SNTG1: variants seen among roughly 807,000 people sequenced by gnomAD.
SNTG1 encodes syntrophin gamma 1.
Under a neutral mutation model 74.7 loss-of-function variants are expected in SNTG1, and 39 were observed. The ratio of observed to expected loss-of-function variants is 0.52; its 90% CI spans 0.40 to 0.68. The LOEUF is 0.68. Ranked by LOEUF, SNTG1 falls within the 30% of genes least tolerant of loss-of-function variation. The pLI is 0.00. For missense variants in SNTG1, 685 were observed against 609.5 expected (o/e 1.12, Z -1.30); for synonymous variants, 254 against 217.1 (o/e 1.17, Z -1.49).
intron 1 of SNTG1, among the ~76,000 whole-genome samples, chr8:49,944,266 G>A (rs1414146714): frequency 6.6e-6 from 1 of 152,022 alleles, no homozygotes; most frequent in African/African-American, 2.4e-5. Context: ...TGACTTTATA[G>A]AGCTCTGTAG....
chr8:50,711,410 C>A (rs1385023415), intron 17 of SNTG1, among the ~76,000 whole-genome samples: 1 of 152,064 alleles, frequency 6.6e-6, no homozygotes, highest in African/African-American at 2.4e-5. Flanking sequence ...TTTGAAGTTA[C>A]TACAGAAGCA....
At chr8:50,017,038 AAAC>A in intron 1 of SNTG1, among the ~76,000 whole-genome samples, 4 of 152,244 alleles carry the variant, frequency 2.6e-5, no homozygotes, top group Admixed American at 2.6e-4. Context: ...ACATTCCAGA[AAAC>A]AAAAACTGAG....
At chr8:50,698,782 C>G (rs1046919890) in intron 15 of SNTG1, among the ~76,000 whole-genome samples, 1 of 152,062 alleles carries the variant, frequency 6.6e-6, no homozygotes, top group Non-Finnish European at 1.5e-5. Flanking sequence ...CAGCCACATC[C>G]CAAGGTAGAT....
At chr8:50,469,629 T>A (rs2093635973) in intron 8 of SNTG1, among the ~76,000 whole-genome samples, 1 of 152,154 alleles carries the variant, frequency 6.6e-6, no homozygotes. Context: ...TTTTCCTGCA[T>A]TTTTCTCCCC....
intron 3 of SNTG1, among the ~76,000 whole-genome samples, chr8:50,400,464 A>G (rs541380723): frequency 6.6e-6 from 1 of 152,206 alleles, no homozygotes; most frequent in Non-Finnish European, 1.5e-5. Context: ...ATAGTGCTAC[A>G]ATAAACATGG....
intron 12 of SNTG1, among the ~76,000 whole-genome samples, chr8:50,579,626 A>G (rs1338837421): frequency 6.6e-6 from 1 of 152,182 alleles, no homozygotes; most frequent in East Asian, 1.9e-4. Flanking sequence ...GGCTATGGCT[A>G]AAAAGGCCAA....
chr8:50,700,905 A>G (rs1194125393), intron 15 of SNTG1, among the ~76,000 whole-genome samples: 4 of 152,196 alleles, frequency 2.6e-5, no homozygotes, highest in African/African-American at 4.8e-5. Flanking sequence ...TGCTGAAACT[A>G]TATTTGCAGA....
At chr8:50,004,671 C>T (rs1333254983) in intron 1 of SNTG1, among the ~76,000 whole-genome samples, 1 of 152,124 alleles carries the variant, frequency 6.6e-6, no homozygotes, top group African/African-American at 2.4e-5. Flanking sequence ...GGCACGTGAA[C>T]CAATGTGGTC....
At chr8:50,379,422 G>T (rs2092444675) in intron 2 of SNTG1, among the ~76,000 whole-genome samples, 1 of 152,164 alleles carries the variant, frequency 6.6e-6, no homozygotes, top group Non-Finnish European at 1.5e-5. Context: ...CCGATGGGGG[G>T]TCAGGGGCAG....
At chr8:50,614,050 G>C (rs1398940446) in intron 13 of SNTG1, among the ~76,000 whole-genome samples, 1 of 152,082 alleles carries the variant, frequency 6.6e-6, no homozygotes, top group East Asian at 1.9e-4. Context: ...AGCTGGAGGA[G>C]AGAAAGAACT....
rs533718335 is a variant in SNTG1, at chr8:50,544,535, T to C, written c.680+7727T>C. 1.3e-4 allele frequency among the ~76,000 whole-genome samples: 20 copies of C among 152,200 alleles called. No homozygotes were observed. The East Asian group carries it at 3.9e-3, about 29-fold the overall frequency. On this transcript the variant is annotated intron_variant, in intron 11 of 18. Coordinates refer to ENST00000642720, the MANE Select transcript of SNTG1 (RefSeq NM_018967.5). ...TTATTTACTTTTTGATTTAAAAAAA[T>C]GCAGTTACATTATTTGAAGACATTT...
chr8:49,960,539 T>C (rs1270868074), intron 1 of SNTG1, among the ~76,000 whole-genome samples: 1 of 152,080 alleles, frequency 6.6e-6, no homozygotes, highest in African/African-American at 2.4e-5. Flanking sequence ...AAAGTTACAT[T>C]ACCTTTGAAA....
intron 8 of SNTG1, among the ~76,000 whole-genome samples, chr8:50,460,737 AG>A (rs1175968658): frequency 6.6e-6 from 1 of 152,122 alleles, no homozygotes; most frequent in Non-Finnish European, 1.5e-5. Flanking sequence ...TTTATTGAAT[AG>A]GGAGTCCTTT....
At chr8:50,050,180 T>C (rs1215850976) in intron 1 of SNTG1, among the ~76,000 whole-genome samples, 1 of 150,950 alleles carries the variant, frequency 6.6e-6, no homozygotes, top group Non-Finnish European at 1.5e-5. Flanking sequence ...TGAAAAAAAA[T>C]CAATAAAATC....
chr8:50,048,630 G>A (rs569520713), intron 1 of SNTG1, among the ~76,000 whole-genome samples: 1 of 152,264 alleles, frequency 6.6e-6, no homozygotes, highest in South Asian at 2.1e-4. Flanking sequence ...AAATGAAGGT[G>A]AGAAAACTCT....
In SNTG1 at chr8:50,406,992, T is replaced by G. The variant is rs118068112; in HGVS notation, c.162+4648T>G. Among the ~76,000 whole-genome samples the G allele has an allele frequency of 5.0e-4, 76 of 152,256 alleles. No individual in the cohort carries two copies. The East Asian group carries it at 0.013, about 25-fold the overall frequency. ...GATATTCTTTGAGAAAAACTCCCTT[T>G]GTCTGTTTTTTAAAACCTCCCACTG... On this transcript the variant is annotated intron_variant, in intron 4 of 18. Coordinates refer to ENST00000642720, the MANE Select transcript of SNTG1 (RefSeq NM_018967.5).
intron 1 of SNTG1, among the ~76,000 whole-genome samples, chr8:50,144,453 G>C (rs964468194): frequency 6.6e-6 from 1 of 152,198 alleles, no homozygotes; most frequent in Non-Finnish European, 1.5e-5. Flanking sequence ...ATTACAATGA[G>C]GAGGAGCCAG....
At chr8:50,368,674 T>C (rs947747955) in intron 2 of SNTG1, among the ~76,000 whole-genome samples, 2 of 152,120 alleles carry the variant, frequency 1.3e-5, no homozygotes, top group Non-Finnish European at 2.9e-5. Context: ...TTGGATTCTA[T>C]AGGACCGTCT....
intron 18 of SNTG1, among the ~76,000 whole-genome samples, chr8:50,770,337 A>G (rs1285215855): frequency 6.6e-6 from 1 of 152,148 alleles, no homozygotes; most frequent in Non-Finnish European, 1.5e-5. Flanking sequence ...GAATAACCAT[A>G]CAGCATTTAT....
Sources: gnomAD v4.1 joint callset for allele counts (sites outside exome capture counted in the v4.1 genomes callset) on GRCh38, gnomAD v4.1.1 for gene constraint, MANE v1.5 for transcripts, NCBI Gene and HGNC (gene_info 2026-07-23, HGNC 2026-07-21) for gene names.